ERBB4: variants seen among roughly 807,000 people sequenced by gnomAD.
The protein encoded by ERBB4 is receptor tyrosine-protein kinase erbB-4.
ERBB4 carries 42 observed loss-of-function variants against 158.0 expected under a neutral mutation model. The observed-to-expected ratio is 0.27, with a 90% CI of 0.21 to 0.34. The LOEUF is 0.34. ERBB4 is among the 10% of genes least tolerant of loss of function. The pLI is 1.00. For synonymous variants in ERBB4, 583 were observed against 558.7 expected (o/e 1.04, Z -0.61); for missense variants, 1,333 against 1,624.1 (o/e 0.82, Z 3.08).
intron 15 of ERBB4, among the ~76,000 whole-genome samples, chr2:211,663,056 A>C (rs1025207176): frequency 2.6e-5 from 4 of 152,174 alleles, no homozygotes; most frequent in Non-Finnish European, 5.9e-5. Context: ...AAAATATCAT[A>C]TCTCTATATG....
At chr2:211,829,771 C>A (rs12470052) in intron 3 of ERBB4, among the ~76,000 whole-genome samples, 1 of 152,086 alleles carries the variant, frequency 6.6e-6, no homozygotes. Context: ...TAAAGCTCTG[C>A]CACTTAGATT....
At chr2:212,273,530 C>T (rs1231658753) in intron 1 of ERBB4, among the ~76,000 whole-genome samples, 1 of 151,746 alleles carries the variant, frequency 6.6e-6, no homozygotes, top group Admixed American at 6.6e-5. Flanking sequence ...TTACATCCTT[C>T]CAAGGTCCGT....
chr2:211,450,247 G>C (rs996462152), intron 20 of ERBB4, among the ~76,000 whole-genome samples: 2 of 152,170 alleles, frequency 1.3e-5, no homozygotes, highest in Non-Finnish European at 2.9e-5. Context: ...GGTAAGGCTG[G>C]AGGAGTGTGC....
At chr2:212,054,017 A>G (rs532018493) in intron 2 of ERBB4, among the ~76,000 whole-genome samples, 2 of 152,196 alleles carry the variant, frequency 1.3e-5, no homozygotes, top group Non-Finnish European at 2.9e-5. Context: ...GGAGAAAATC[A>G]GGATTTTGAG....
rs750968646 is a variant in ERBB4 at position 211,387,161 on chromosome 2, G to A, written c.3184-11C>T. The A allele has an allele frequency of 2.5e-6, 4 of 1,600,960 alleles. No homozygotes were observed. The South Asian group carries it at 4.4e-5, about 18-fold the overall frequency. The stretch of plus-strand genomic sequence containing the variant: ...GTATACAAACTGGTTCTGTTAATAA[G>A]AGAAACATATGTGGAGAGAAGGCGT... On this transcript the variant is annotated splice_polypyrimidine_tract_variant and intron_variant, in intron 26 of 27. Coordinates refer to ENST00000342788, the MANE Select transcript of ERBB4 (RefSeq NM_005235.3).
chr2:211,679,113 G>T lies in ERBB4; in HGVS notation c.1561C>A (p.Leu521Met). The T allele has an allele frequency of 6.2e-7, 1 of 1,613,686 alleles. No homozygotes were observed. Among genetic ancestry groups the T allele is most frequent in the African/African-American group, 1.3e-5 (1 of 74,980 alleles). ...GCWGPGPDQC[L>M]SCRRFSRGRI... ...CCTCTACTGAAGCGGCGACACGACA[G>T]ACATTGGTCTGGCCCAGGTCCCCAA... Residue 521 changes from leucine (L) to methionine (M), a missense_variant, in exon 13 of 28, where the codon CTG becomes ATG. Physicochemically the swap from Leu to Met is conservative, Grantham distance 15. Coordinates refer to ENST00000342788, the MANE Select transcript of ERBB4 (RefSeq NM_005235.3).
At chr2:212,326,660 C>G (rs1173437553) in intron 1 of ERBB4, among the ~76,000 whole-genome samples, 5 of 150,626 alleles carry the variant, frequency 3.3e-5, no homozygotes, top group African/African-American at 7.2e-5. Flanking sequence ...AATGCATAAC[C>G]CTTTTTACCA....
intron 1 of ERBB4, among the ~76,000 whole-genome samples, chr2:212,298,145 TAAA>T (rs1559956290): frequency 3.3e-5 from 5 of 151,756 alleles, no homozygotes; most frequent in South Asian, 2.1e-4. Flanking sequence ...ATAAAGAACT[TAAA>T]AAACAATTGG....
chr2:211,846,072 G>A lies in ERBB4; in HGVS notation c.422-57913C>T, dbSNP rs189747456. Among the ~76,000 whole-genome samples, 409 of 133,472 alleles carry A rather than the reference G, an allele frequency of 3.1e-3. 4 individuals carry two copies. The Middle Eastern group carries it at 0.037, about 12-fold the overall frequency. 87.6% of individuals were successfully genotyped at this position (133,472 alleles called of 152,430 possible). A position where few individuals can be genotyped will look rare whatever the true frequency, so the allele number is the denominator to read the frequency against. On this transcript the variant is annotated intron_variant, in intron 3 of 27. Transcript: ENST00000342788. ...TTGTTGTTTTTTTTTTTCATTTATA[G>A]TGAATATCATTCATGTTGTCCACTC... is the stretch of plus-strand genomic sequence containing the variant.
Position 211,724,022 on chromosome 2 carries a change from G to A in ERBB4, c.741+1054C>T, listed in dbSNP as rs549310144. 2.5e-4 allele frequency among the ~76,000 whole-genome samples: 38 copies of A among 152,228 alleles called. 1 individual carries two copies. In the South Asian group the frequency reaches 7.9e-3, roughly 32 times the overall value. On this transcript the variant is annotated intron_variant, in intron 6 of 27. Coordinates refer to ENST00000342788, the MANE Select transcript of ERBB4 (RefSeq NM_005235.3). The stretch of plus-strand genomic sequence containing the variant: ...ACTTCTAAGAGTTTTTGCTATTGCT[G>A]TTTATTGTTGTTATTGTTTTGGAAT...
chr2:211,910,883 TTAAAG>T (rs201640545), intron 3 of ERBB4, among the ~76,000 whole-genome samples: 2,063 of 152,334 alleles, frequency 0.014, 40 homozygotes, highest in African/African-American at 0.046. Flanking sequence ...CTTATCCTTC[TTAAAG>T]TAAACTCCTT....
intron 3 of ERBB4, among the ~76,000 whole-genome samples, chr2:211,888,573 G>T (rs1005636885): frequency 6.6e-6 from 1 of 152,098 alleles, no homozygotes; most frequent in Non-Finnish European, 1.5e-5. Context: ...GAACAGCTCC[G>T]GTCTACAGCT....
At position 211,580,843 on chromosome 2, in the gene ERBB4, AT is replaced by A. The variant is rs1191386476; in HGVS notation, c.2302-18756del. ...TATATATTATATATATAGATTATAT[AT>A]TATATATATAGTATGCATATACATA... On this transcript the variant is annotated intron_variant, in intron 19 of 27. Transcript: ENST00000342788. Among the ~76,000 whole-genome samples, 15 of 82,648 alleles carry A rather than the reference AT, an allele frequency of 1.8e-4. 1 individual carries two copies. The highest frequency in any genetic ancestry group is 7.3e-4 in the East Asian group (2 of 2,726). 54.2% of individuals were successfully genotyped at this position (82,648 alleles called of 152,430 possible). A position where few individuals can be genotyped will look rare whatever the true frequency, so the allele number is the denominator to read the frequency against.
At chr2:211,783,439 T>A (rs1490211491) in intron 4 of ERBB4, among the ~76,000 whole-genome samples, 1 of 152,242 alleles carries the variant, frequency 6.6e-6, no homozygotes, top group Non-Finnish European at 1.5e-5. Flanking sequence ...CATCCCTGTC[T>A]TGTGCCAGTT....
chr2:211,488,356 A>C (rs57886952), intron 20 of ERBB4, among the ~76,000 whole-genome samples: 1 of 152,014 alleles, frequency 6.6e-6, no homozygotes, highest in South Asian at 2.1e-4. Context: ...TTATGTATAC[A>C]TTCATGTATT....
chr2:211,716,859 G>A (rs2073934711), intron 7 of ERBB4, among the ~76,000 whole-genome samples: 1 of 151,758 alleles, frequency 6.6e-6, no homozygotes, highest in African/African-American at 2.4e-5. Flanking sequence ...TTAGCCTGTA[G>A]TTTGAGATAC....
chr2:211,905,039 T>G (rs922513029), intron 3 of ERBB4, among the ~76,000 whole-genome samples: 1 of 152,128 alleles, frequency 6.6e-6, no homozygotes, highest in African/African-American at 2.4e-5. Flanking sequence ...ATTGCTGCTG[T>G]AAAAAACAGC....
chr2:212,494,960 T>C (rs1424126609), intron 1 of ERBB4, among the ~76,000 whole-genome samples: 1 of 152,054 alleles, frequency 6.6e-6, no homozygotes, highest in Non-Finnish European at 1.5e-5. Flanking sequence ...TTTATAAGCT[T>C]CCAAAGAAAA....
chr2:212,408,277 T>A (rs916926985), intron 1 of ERBB4, among the ~76,000 whole-genome samples: 4 of 152,058 alleles, frequency 2.6e-5, no homozygotes, highest in South Asian at 2.1e-4. Flanking sequence ...GTGTGTGTTG[T>A]TCCCCTCCCT....
Sources: gnomAD v4.1 joint callset for allele counts (sites outside exome capture counted in the v4.1 genomes callset) on GRCh38, gnomAD v4.1.1 for gene constraint, MANE v1.5 for transcripts, NCBI Gene and HGNC (gene_info 2026-07-23, HGNC 2026-07-21) for gene names.